DNAH7: variants seen among roughly 807,000 people sequenced by gnomAD.
The protein encoded by DNAH7 is axonemal beta dynein heavy chain 7.
In DNAH7, 397 loss-of-function variants were observed where a neutral mutation model predicts 444.6. The observed-to-expected ratio is 0.89, with a 90% confidence interval of 0.82 to 0.97. The LOEUF (loss-of-function observed/expected upper bound fraction) is 0.97, where lower values mean the gene tolerates loss of function less well. Ranked by LOEUF, DNAH7 falls within the 50% of genes least tolerant of loss-of-function variation. The probability of loss-of-function intolerance (pLI) is 0.00; values close to 1 mark genes in which losing one functional copy is unlikely to be tolerated. For synonymous variants in DNAH7, 1,636 were observed against 1,624.4 expected, an observed-to-expected ratio of 1.01 and a Z score of -0.17; for missense variants, 4,902 against 4,800.8, an observed-to-expected ratio of 1.02 and a Z score of -0.62.
At chr2:195,941,369 C>T (rs576180422) in intron 19 of DNAH7, among the ~76,000 whole-genome samples, 9 of 139,922 alleles carry the variant, frequency 6.4e-5, no homozygotes, top group Admixed American at 1.5e-4. Flanking sequence ...TGGGGCCTGT[C>T]GGGGGTTGGG....
rs925501495 is a variant in DNAH7 at position 196,002,874 on chromosome 2, G to A, written c.990-1016C>T. On this transcript the variant is annotated intron_variant, in intron 10 of 64. Transcript: ENST00000312428. ...AATACAAAAATTAGCTGGGTGTGGT[G>A]GTGAGTGCCTGTAATCCCAGCTACT... Among the ~76,000 whole-genome samples the A allele has an allele frequency of 1.6e-4, 25 of 152,016 alleles. 1 individual carries two copies. The highest frequency in any genetic ancestry group is 7.9e-4 in the Admixed American group (12 of 15,258).
chr2:196,057,748 G>C lies in DNAH7; in HGVS notation c.78+306C>G, dbSNP rs546748554. On this transcript the variant is annotated intron_variant, in intron 2 of 64. Transcript: ENST00000312428. ...ACTCCACTTAAACTCAACTTCTGTA[G>C]AAGTTATAATAGTTTAACTCAACCG... 4.4e-4 allele frequency among the ~76,000 whole-genome samples: 67 copies of C among 152,242 alleles called. 1 individual carries two copies. The highest frequency in any genetic ancestry group is 1.6e-3 in the African/African-American group (65 of 41,534).
At position 195,809,788 on chromosome 2, in the gene DNAH7, A is replaced by G. The variant is rs1574475431; in HGVS notation, c.9845T>C (p.Phe3282Ser). 1 of 1,600,126 alleles carries G rather than the reference A, an allele frequency of 6.2e-7. No homozygotes were observed. Among genetic ancestry groups the G allele is most frequent in the East Asian group, 2.3e-5 (1 of 44,084 alleles). ...TAGATTTATGGTTAGACAAAAGGAA[A>G]AGAGCAGCTTATCCTTTTCAAAGAG... ...RSLFEKDKLL[F>S]SFCLTINLLL... The change falls in exon 52 of 65, where the codon TTT (phenylalanine) becomes TCT (serine). Residue 3282 changes from phenylalanine (F) to serine (S), a missense_variant. By Grantham distance (155) the Phe-to-Ser change is radical. Transcript: ENST00000312428.
Position 195,817,818 on chromosome 2 carries a change from T to G in DNAH7, c.9303A>C (p.Leu3101Phe). ...LPETSVKVTL[L>F]NFMITPEGMQ... is the part of the protein sequence containing the mutation. ...TTCCCTCAGGGGTTATCATGAAGTT[T>G]AATAATGTTACCTATAAATGAAAAA... is the stretch of plus-strand genomic sequence containing the variant. The change falls in exon 50 of 65, where the codon TTA becomes TTC. Residue 3101 changes from leucine (L) to phenylalanine (F), a missense_variant. Leu to Phe is a conservative substitution (Grantham distance 22, BLOSUM62 0). Coordinates refer to ENST00000312428, the MANE Select transcript of DNAH7 (RefSeq NM_018897.3). The G allele has an allele frequency of 1.3e-6, 2 of 1,584,628 alleles. No individual in the cohort carries two copies. Among genetic ancestry groups the G allele is most frequent in the Non-Finnish European group, 1.7e-6 (2 of 1,170,012 alleles).
intron 21 of DNAH7, among the ~76,000 whole-genome samples, chr2:195,930,929 A>T (rs1178619748): frequency 6.6e-6 from 1 of 152,128 alleles, no homozygotes; most frequent in Non-Finnish European, 1.5e-5. Context: ...AGGAACAGAA[A>T]ATCAAATACC....
chr2:196,014,009 A>T (rs1694866435), intron 9 of DNAH7, among the ~76,000 whole-genome samples: 1 of 152,236 alleles, frequency 6.6e-6, no homozygotes, highest in Admixed American at 6.5e-5. Flanking sequence ...GATTTGAAAC[A>T]GAATTCGAGG....
rs1379208905 is a variant in DNAH7 at position 195,816,830 on chromosome 2, C to T, written c.9559G>A (p.Glu3187Lys). Residue 3187 changes from glutamate to lysine, a missense_variant, in exon 51 of 65, where the codon GAA becomes AAA. Physicochemically the swap from Glu to Lys is moderately conservative, Grantham distance 56 (BLOSUM62 1). Coordinates refer to ENST00000312428, the MANE Select transcript of DNAH7 (RefSeq NM_018897.3). ...TTTTTCTCTGTCTCTTCGGCTACTT[C>T]CTGCTTCTGAGAAATCTCATTAGCC... ...ALANEISQKQ[E>K]VAEETEKKID... 6.2e-7 allele frequency: 1 copy of T among 1,614,126 alleles called. No homozygotes were observed. Among genetic ancestry groups the T allele is most frequent in the Non-Finnish European group, 8.5e-7 (1 of 1,180,010 alleles).
intron 17 of DNAH7, among the ~76,000 whole-genome samples, chr2:195,968,065 T>C (rs941523071): frequency 2.0e-5 from 3 of 152,212 alleles, no homozygotes; most frequent in Non-Finnish European, 4.4e-5. Flanking sequence ...TTCAGTCAGC[T>C]TGTGGTGAAT....
intron 36 of DNAH7, among the ~76,000 whole-genome samples, chr2:195,879,507 A>C (rs1701253168): frequency 6.6e-6 from 1 of 152,166 alleles, no homozygotes; most frequent in African/African-American, 2.4e-5. Context: ...TAAAAATTAT[A>C]TAAACAAAAT....
At chr2:196,045,205 G>A (rs1575093432) in intron 5 of DNAH7, among the ~76,000 whole-genome samples, 1 of 135,246 alleles carries the variant, frequency 7.4e-6, no homozygotes, top group African/African-American at 3.6e-5. Context: ...GGAGGAAAAG[G>A]AGGAGGAGGA....
At chr2:195,960,204 A>T in intron 18 of DNAH7, 56 bp downstream of exon 18, 1 of 1,402,804 alleles carries the variant, frequency 7.1e-7, no homozygotes, top group Non-Finnish European at 9.6e-7. Flanking sequence ...CTTTACATTA[A>T]ACACAAGTGA....
At chr2:195,927,869 A>C (rs1688444425) in intron 21 of DNAH7, among the ~76,000 whole-genome samples, 2 of 152,124 alleles carry the variant, frequency 1.3e-5, no homozygotes, top group African/African-American at 4.8e-5. Flanking sequence ...ACTTGCTTGG[A>C]TATTTTGTCA....
chr2:195,745,658 G>C (rs1046223904), intron 63 of DNAH7, among the ~76,000 whole-genome samples: 7 of 151,968 alleles, frequency 4.6e-5, no homozygotes, highest in Admixed American at 1.3e-4. Context: ...GCAGATCTCT[G>C]GGCAGAAACT....
intron 21 of DNAH7, among the ~76,000 whole-genome samples, chr2:195,932,706 T>C (rs991507643): frequency 2.6e-5 from 4 of 152,214 alleles, no homozygotes; most frequent in Non-Finnish European, 4.4e-5. Flanking sequence ...GTTCTGTTTA[T>C]ATGCTGGATT....
chr2:196,015,783 A>T (rs1309756634), intron 9 of DNAH7, among the ~76,000 whole-genome samples: 1 of 152,248 alleles, frequency 6.6e-6, no homozygotes, highest in Non-Finnish European at 1.5e-5. Flanking sequence ...GATTCAGGGT[A>T]AATGACTGCC....
At chr2:195,882,840 C>G (rs980919081) in intron 35 of DNAH7, among the ~76,000 whole-genome samples, 1 of 152,150 alleles carries the variant, frequency 6.6e-6, no homozygotes, top group East Asian at 1.9e-4. Flanking sequence ...CTGGTCCCCC[C>G]ACCCCGCTTC....
intron 16 of DNAH7, among the ~76,000 whole-genome samples, chr2:195,971,607 G>A (rs1455706701): frequency 6.6e-6 from 1 of 152,158 alleles, no homozygotes; most frequent in South Asian, 2.1e-4. Flanking sequence ...TGTGCTCAGA[G>A]TGATGGGGAG....
intron 46 of DNAH7, among the ~76,000 whole-genome samples, chr2:195,849,229 C>T (rs1699201302): frequency 6.6e-6 from 1 of 152,172 alleles, no homozygotes; most frequent in African/African-American, 2.4e-5. Context: ...TGACATGGCC[C>T]CATCTTTCTC....
At chr2:195,843,360 A>C (rs1698800291) in intron 47 of DNAH7, among the ~76,000 whole-genome samples, 1 of 152,168 alleles carries the variant, frequency 6.6e-6, no homozygotes, top group South Asian at 2.1e-4. Context: ...ATTAATTTAG[A>C]TTATTGGATC....
Sources: allele counts gnomAD v4.1 joint callset (sites outside exome capture counted in the v4.1 genomes callset), GRCh38; gene constraint gnomAD v4.1.1; transcripts MANE v1.5; gene names NCBI Gene and HGNC (gene_info 2026-07-23, HGNC 2026-07-21).